Variants in VAC14 observed in about 807,000 individuals in gnomAD.
VAC14 encodes VAC14 component of PIKFYVE complex, also known as protein VAC14 homolog.
VAC14 carries 47 observed loss-of-function variants against 85.3 expected under a neutral mutation model. The observed-to-expected ratio is 0.55, with a 90% CI of 0.44 to 0.70. The LOEUF is 0.70. Among genes scored for constraint, VAC14 ranks in the 30% least tolerant of loss-of-function variants. VAC14 has a pLI of 0.00. For missense variants in VAC14, 861 were observed against 1,004.3 expected (o/e 0.86, Z 1.93); for synonymous variants, 447 against 430.5 (o/e 1.04, Z -0.47).
rs1166711242 is a variant in VAC14, at chr16:70,786,113, G to T, written c.255+102C>A. 2.6e-6 allele frequency: 4 copies of T among 1,519,188 alleles called. No individual in the cohort carries two copies. In the Admixed American group the frequency reaches 7.7e-5, roughly 29 times the overall value. 94.1% of individuals were successfully genotyped at this position (1,519,188 alleles called of 1,614,324 possible). A position where few individuals can be genotyped will look rare whatever the true frequency, so the allele number is the denominator to read the frequency against. ...CGGACAGAGTGGTAATAAAACATAG[G>T]TCTGCAATGCCCTACTGGGTCTTGA... On this transcript the variant is annotated intron_variant, in intron 2 of 18. Transcript: ENST00000261776.
chr16:70,784,150 G>T lies in VAC14; in HGVS notation c.557C>A (p.Ser186Tyr). Residue 186 changes from serine (S) to tyrosine (Y), a missense_variant, in exon 5 of 19, where the codon TCC (serine) becomes TAC (tyrosine). Transcript: ENST00000261776. ...FIPLLRERIY[S>Y]NNQYARQFII... is the part of the protein sequence containing the mutation. Reference sequence around the variant, plus strand: ...GAACTGCCGGGCATACTGGTTGTTGGAGTAAATCCTCTCTCGCAACAAGGG... The same window carrying T: ...GAACTGCCGGGCATACTGGTTGTTGTAGTAAATCCTCTCTCGCAACAAGGG... 1 of 1,614,194 alleles carries T rather than the reference G, an allele frequency of 6.2e-7. No homozygotes were observed. Among genetic ancestry groups the T allele is most frequent in the Non-Finnish European group, 8.5e-7 (1 of 1,180,030 alleles).
chr16:70,687,887 TC>T lies in VAC14; in HGVS notation c.*40del. 6.9e-7 allele frequency: 1 copy of T among 1,453,674 alleles called. No individual in the cohort carries two copies. Among genetic ancestry groups the T allele is most frequent in the Non-Finnish European group, 9.1e-7 (1 of 1,093,744 alleles). 90.0% of individuals were successfully genotyped at this position (1,453,674 alleles called of 1,614,324 possible). A position where few individuals can be genotyped will look rare whatever the true frequency, so the allele number is the denominator to read the frequency against. ...GGAGGGCGTGACGACCCTTAGTGTTTCATGGGACCACTCGGTGGGCCCTCCT... is the reference window on the plus strand; with the variant it reads ...GGAGGGCGTGACGACCCTTAGTGTTTATGGGACCACTCGGTGGGCCCTCCT... On this transcript the variant is annotated 3_prime_UTR_variant, in exon 19 of 19. Coordinates refer to ENST00000261776, the MANE Select transcript of VAC14 (RefSeq NM_018052.5).
intron 13 of VAC14, among the ~76,000 whole-genome samples, chr16:70,736,674 G>A (rs1159649894): frequency 2.0e-5 from 3 of 152,194 alleles, no homozygotes; most frequent in Admixed American, 6.5e-5. Flanking sequence ...CTTAGTGGAA[G>A]GGAGGAGGAG....
intron 14 of VAC14, among the ~76,000 whole-genome samples, chr16:70,722,198 C>G (rs894294991): frequency 6.6e-6 from 1 of 152,256 alleles, no homozygotes; most frequent in Non-Finnish European, 1.5e-5. Context: ...TCCCAAGAGC[C>G]GCTTTGGTGG....
intron 12 of VAC14, among the ~76,000 whole-genome samples, chr16:70,745,637 C>T (rs750542055): frequency 2.0e-5 from 3 of 152,194 alleles, no homozygotes; most frequent in Non-Finnish European, 4.4e-5. Context: ...TGCAGGTGGT[C>T]GCCTGCTCTT....
intron 10 of VAC14, among the ~76,000 whole-genome samples, chr16:70,763,275 G>C (rs891368087): frequency 6.6e-6 from 1 of 152,214 alleles, no homozygotes; most frequent in Admixed American, 6.5e-5. Flanking sequence ...GGAGCTTGCT[G>C]CTGGGCTGGA....
chr16:70,704,794 G>A (rs182186068), intron 14 of VAC14, among the ~76,000 whole-genome samples: 5 of 152,364 alleles, frequency 3.3e-5, no homozygotes, highest in East Asian at 1.9e-4. Flanking sequence ...GCAGAGCCCC[G>A]TGCTGCAGGT....
chr16:70,783,887 A>G (rs930126502), intron 5 of VAC14, among the ~76,000 whole-genome samples: 2 of 152,222 alleles, frequency 1.3e-5, no homozygotes, highest in Admixed American at 1.3e-4. Context: ...GGGACAAGGA[A>G]AGAACTGGAC....
At chr16:70,723,312 G>A (rs1319211724) in intron 14 of VAC14, among the ~76,000 whole-genome samples, 3 of 151,952 alleles carry the variant, frequency 2.0e-5, no homozygotes, top group African/African-American at 7.3e-5. Context: ...GCATGGTGGT[G>A]TGTGCCTATA....
At chr16:70,776,629 T>C (rs1021164120) in intron 9 of VAC14, among the ~76,000 whole-genome samples, 1 of 152,304 alleles carries the variant, frequency 6.6e-6, no homozygotes, top group South Asian at 2.1e-4. Flanking sequence ...GGGGTCTCGC[T>C]ATATTGCCCA....
chr16:70,730,853 C>T lies in VAC14; in HGVS notation c.1661+642G>A, dbSNP rs565465050. Among the ~76,000 whole-genome samples the T allele has an allele frequency of 1.8e-4, 27 of 152,240 alleles. No individual in the cohort carries two copies. The East Asian group carries it at 3.9e-3, about 22-fold the overall frequency. ...CGGCTGGACAGCACCTAGGGCCATACGGACTACTCTAGAAATCTCCTCCAC... is the reference window on the plus strand; with the variant it reads ...CGGCTGGACAGCACCTAGGGCCATATGGACTACTCTAGAAATCTCCTCCAC... On this transcript the variant is annotated intron_variant, in intron 14 of 18. Transcript: ENST00000261776.
At chr16:70,775,866 A>G (rs1299242379) in intron 9 of VAC14, among the ~76,000 whole-genome samples, 3 of 152,222 alleles carry the variant, frequency 2.0e-5, no homozygotes, top group Non-Finnish European at 4.4e-5. Context: ...GCTTTCATGC[A>G]GGGTGGGACT....
rs1352625118 is a variant in VAC14, at chr16:70,782,017, C to G, written c.812-14G>C. 12 of 1,612,362 alleles carry G rather than the reference C, an allele frequency of 7.4e-6. No homozygotes were observed. The highest frequency in any genetic ancestry group is 1.0e-5 in the Non-Finnish European group (12 of 1,178,960). On this transcript the variant is annotated splice_polypyrimidine_tract_variant and intron_variant, in intron 7 of 18. Transcript: ENST00000261776. ...GGATGAGGTCATCTGGAAGGGGAAT[C>G]AGGGGGTTCAGAGGGGCCAGCACAC...
intron 12 of VAC14, chr16:70,747,881 CG>C: frequency 6.6e-6 from 1 of 152,166 alleles, no homozygotes; most frequent in Non-Finnish European, 1.5e-5. Context: ...GCTGGGTATC[CG>C]GCAGGTACCT....
At chr16:70,748,380 G>A (rs764469211) in intron 12 of VAC14, among the ~76,000 whole-genome samples, 16 of 152,226 alleles carry the variant, frequency 1.1e-4, no homozygotes, top group Admixed American at 5.9e-4. Context: ...TGATAATACA[G>A]GGCGGGTGCC....
intron 14 of VAC14, among the ~76,000 whole-genome samples, chr16:70,701,827 C>G (rs2053834086): frequency 6.6e-6 from 1 of 152,250 alleles, no homozygotes; most frequent in Non-Finnish European, 1.5e-5. Context: ...TCACGGCATT[C>G]TAGCCTCTTG....
At chr16:70,741,173 G>A (rs1324877009) in intron 13 of VAC14, among the ~76,000 whole-genome samples, 1 of 152,272 alleles carries the variant, frequency 6.6e-6, no homozygotes, top group Non-Finnish European at 1.5e-5. Flanking sequence ...CCAGAGGCAG[G>A]CAGAATCCAA....
At chr16:70,737,060 C>T (rs1207817416) in intron 13 of VAC14, among the ~76,000 whole-genome samples, 2 of 152,202 alleles carry the variant, frequency 1.3e-5, no homozygotes, top group African/African-American at 4.8e-5. Context: ...GGCAGGGCTG[C>T]AGGCTCAGGA....
rs375604506 is a variant in VAC14, at chr16:70,750,153, C to T, written c.1372-5574G>A. 3.3e-5 allele frequency among the ~76,000 whole-genome samples: 5 copies of T among 152,208 alleles called. No homozygotes were observed. The East Asian group carries it at 5.8e-4, about 18-fold the overall frequency. On this transcript the variant is annotated intron_variant, in intron 12 of 18. Transcript: ENST00000261776. ...AGGAAAGGCCCGAGAGCTAAAGACA[C>T]GCTTCTAGGCCACTCCTGCCTCAGC...
Sources: allele counts gnomAD v4.1 joint callset (sites outside exome capture counted in the v4.1 genomes callset), GRCh38; gene constraint gnomAD v4.1.1; transcripts MANE v1.5; gene names NCBI Gene and HGNC (gene_info 2026-07-23, HGNC 2026-07-21).